ZNF831: variants seen among roughly 807,000 people sequenced by gnomAD.
The protein encoded by ZNF831 is zinc finger protein 831.
A neutral mutation model predicts 95.8 loss-of-function variants in ZNF831; 59 were observed. That is an observed-to-expected ratio of 0.62 (90% CI 0.50 to 0.77). The LOEUF is 0.77. ZNF831 is among the 30% of genes least tolerant of loss of function. ZNF831 has a pLI of 0.00. For missense variants in ZNF831, 2,205 were observed against 2,164.0 expected (o/e 1.02, Z -0.38); for synonymous variants, 961 against 925.5 (o/e 1.04, Z -0.70).
rs1310094840 is a variant in ZNF831, at chr20:59,196,007, T to C, written c.3875+2T>C. On this transcript the variant is annotated splice_donor_variant, in intron 3 of 5. Coordinates refer to ENST00000371030, the MANE Select transcript of ZNF831 (RefSeq NM_178457.3). LOFTEE classifies it high-confidence loss of function. ...AAAACTGAAGATCAACCCTAAAAGGTAGGATGAGTGGCCACCTCTGTCATT... is the reference window on the plus strand; with the variant it reads ...AAAACTGAAGATCAACCCTAAAAGGCAGGATGAGTGGCCACCTCTGTCATT... 1.2e-6 allele frequency: 2 copies of C among 1,613,482 alleles called. No individual in the cohort carries two copies. The highest frequency in any genetic ancestry group is 1.7e-5 in the Admixed American group (1 of 59,966).
Position 59,192,086 on chromosome 20 carries a change from C to G in ZNF831, c.1067C>G (p.Pro356Arg), listed in dbSNP as rs1383621842. 2.5e-6 allele frequency: 4 copies of G among 1,601,680 alleles called. No individual in the cohort carries two copies. Among genetic ancestry groups the G allele is most frequent in the Non-Finnish European group, 2.5e-6 (3 of 1,177,184 alleles). The change falls in exon 2 of 6, where the codon CCG becomes CGG. Residue 356 changes from proline (P) to arginine (R), a missense_variant. Physicochemically the swap from Pro to Arg is moderately radical, Grantham distance 103. Coordinates refer to ENST00000371030, the MANE Select transcript of ZNF831 (RefSeq NM_178457.3). The surrounding 1 kb of genome is among the most constrained non-coding windows in gnomAD (Gnocchi z 5.2). The part of the protein sequence containing the change: ...YLSRSDSAEQ[P>R]HAPCSPLHSL... ...TCGCGCTCCGACAGCGCGGAGCAGC[C>G]GCATGCGCCCTGCAGCCCCCTGCAC...
chr20:59,237,670 C>T (rs968403737), intron 4 of ZNF831, among the ~76,000 whole-genome samples: 14 of 152,294 alleles, frequency 9.2e-5, no homozygotes, highest in African/African-American at 3.1e-4. Context: ...AGTTATTCTC[C>T]TTTGAGGGCT....
intron 1 of ZNF831, among the ~76,000 whole-genome samples, chr20:59,125,216 G>A (rs1040287370): frequency 1.3e-5 from 2 of 152,194 alleles, no homozygotes; most frequent in South Asian, 2.1e-4. Flanking sequence ...GAAAGGACGT[G>A]GGTCACTGCT....
intron 4 of ZNF831, among the ~76,000 whole-genome samples, chr20:59,248,465 T>C (rs1425253782): frequency 1.3e-5 from 2 of 152,232 alleles, no homozygotes; most frequent in Non-Finnish European, 2.9e-5. Context: ...CTCTGTAGAC[T>C]GCAGGGTCAA....
At chr20:59,143,646 C>T (rs1187883725) in intron 1 of ZNF831, among the ~76,000 whole-genome samples, 1 of 152,184 alleles carries the variant, frequency 6.6e-6, no homozygotes, top group Non-Finnish European at 1.5e-5. Context: ...CGGGGTCCTT[C>T]TGGGGAGGAG....
intron 1 of ZNF831, among the ~76,000 whole-genome samples, chr20:59,136,462 A>G (rs1411497846): frequency 6.6e-6 from 1 of 152,212 alleles, no homozygotes; most frequent in Non-Finnish European, 1.5e-5. Flanking sequence ...CACATTACCC[A>G]GAAAGTAAAT....
At chr20:59,202,195 T>C (rs1314971946) in intron 3 of ZNF831, among the ~76,000 whole-genome samples, 1 of 152,218 alleles carries the variant, frequency 6.6e-6, no homozygotes. Flanking sequence ...CCTACTTTTA[T>C]TGGTCTGCTA....
chr20:59,135,737 A>AAAT (rs1296348304), intron 1 of ZNF831, among the ~76,000 whole-genome samples: 1 of 152,114 alleles, frequency 6.6e-6, no homozygotes, highest in Non-Finnish European at 1.5e-5. Flanking sequence ...TCTCAAAAAA[A>AAAT]AATAATAATA....
chr20:59,216,126 C>T (rs1490606257), intron 4 of ZNF831, among the ~76,000 whole-genome samples: 1 of 152,180 alleles, frequency 6.6e-6, no homozygotes, highest in Non-Finnish European at 1.5e-5. Context: ...AAATAACCAC[C>T]AACCCCCACA....
intron 1 of ZNF831, among the ~76,000 whole-genome samples, chr20:59,181,994 C>G (rs1438146289): frequency 6.6e-6 from 1 of 152,110 alleles, no homozygotes; most frequent in Non-Finnish European, 1.5e-5. Context: ...CAATCTTATT[C>G]TGCATGCCAG....
At chr20:59,201,839 A>AAAGAT (rs2146623825) in intron 3 of ZNF831, among the ~76,000 whole-genome samples, 1 of 152,344 alleles carries the variant, frequency 6.6e-6, no homozygotes, top group East Asian at 1.9e-4. Context: ...AAATGGATAC[A>AAAGAT]AAGATCAATG....
chr20:59,158,547 T>G (rs928234825), intron 2 of ZNF831, among the ~76,000 whole-genome samples: 5 of 152,208 alleles, frequency 3.3e-5, no homozygotes, highest in African/African-American at 1.2e-4. Context: ...GTCTGTTTTC[T>G]CTTTCTCACT....
chr20:59,243,271 T>C (rs968952403), intron 4 of ZNF831, among the ~76,000 whole-genome samples: 1 of 152,218 alleles, frequency 6.6e-6, no homozygotes, highest in African/African-American at 2.4e-5. Context: ...GCTGAAGTTA[T>C]CAACGCAGCT....
intron 1 of ZNF831, among the ~76,000 whole-genome samples, chr20:59,182,696 G>T (rs1601347493): frequency 6.6e-6 from 1 of 150,654 alleles, no homozygotes; most frequent in East Asian, 1.9e-4. Flanking sequence ...TAAGCTTTCT[G>T]CACACTGTGT....
In ZNF831 at chr20:59,163,892, A is replaced by G. The variant is rs1314195048; in HGVS notation, c.-352A>G. 6.6e-6 allele frequency among the ~76,000 whole-genome samples: 1 copy of G among 152,038 alleles called. No homozygotes were observed. The highest frequency in any genetic ancestry group is 1.5e-5 in the Non-Finnish European group (1 of 68,006). On this transcript the variant is annotated 5_prime_UTR_variant, in exon 1 of 6. Coordinates refer to ENST00000371030, the MANE Select transcript of ZNF831 (RefSeq NM_178457.3). ...TGGTGCTTTTCTCAGTTAAACGTGG[A>G]CTTGACATAAAGGCCAAGCCACAGG...
intron 5 of ZNF831, 125 bp from the exon 6 acceptor site, chr20:59,253,773 C>T (rs1988024285): frequency 1.8e-6 from 2 of 1,129,832 alleles, no homozygotes; most frequent in Non-Finnish European, 2.5e-6. Context: ...TGAAGTTCAC[C>T]CTTGGTAAAG....
chr20:59,132,830 G>T (rs1300332861), intron 1 of ZNF831, among the ~76,000 whole-genome samples: 1 of 152,276 alleles, frequency 6.6e-6, no homozygotes, highest in Non-Finnish European at 1.5e-5. Flanking sequence ...GCTGGCCCGG[G>T]TGAGCTGTGC....
chr20:59,142,422 C>T lies in ZNF831; in HGVS notation c.-1424-3809C>T, dbSNP rs115332311. Among the ~76,000 whole-genome samples the T allele has an allele frequency of 5.4e-3, 829 of 152,328 alleles. 8 individuals are homozygous for T. Among genetic ancestry groups the T allele is most frequent in the African/African-American group, 0.019 (789 of 41,570 alleles). ...CAGCCTTCTTTCCTCCGTGAAAGGC[C>T]TGAATCTGGTTTGTGTTCTCTTCTT... On this transcript the variant is annotated intron_variant, in intron 1 of 7. Transcript: ENST00000637017.
chr20:59,254,796 G>A lies in ZNF831; in HGVS notation c.*53G>A. ...CAAAAAGACTGTTGACGCTTCACAA[G>A]TAAATGTTGTCAGGCTGGCGGAAGA... On this transcript the variant is annotated 3_prime_UTR_variant, in exon 6 of 6. Transcript: ENST00000371030. This position sits in a 1 kb window ranked among gnomAD's most constrained non-coding sequence, Gnocchi z 4.5. The A allele has an allele frequency of 1.3e-6, 2 of 1,545,582 alleles. No homozygotes were observed. The highest frequency in any genetic ancestry group is 1.7e-6 in the Non-Finnish European group (2 of 1,152,090).
Sources: gnomAD v4.1 joint callset for allele counts (sites outside exome capture counted in the v4.1 genomes callset) on GRCh38, gnomAD v4.1.1 for gene constraint, Gnocchi (gnomAD v3.1) non-coding constraint, MANE v1.5 for transcripts, NCBI Gene and HGNC (gene_info 2026-07-23, HGNC 2026-07-21) for gene names.